The following OPCML variants were observed in gnomAD, a reference collection of about 807,000 sequenced individuals.
The protein encoded by OPCML is opioid binding protein/cell adhesion molecule like, also known as opioid-binding protein/cell adhesion molecule.
OPCML carries 13 observed loss-of-function variants against 37.8 expected under a neutral mutation model. That is an observed-to-expected ratio of 0.34 (90% confidence interval 0.22 to 0.55). The LOEUF is 0.55. Among genes scored for constraint, OPCML ranks in the 20% least tolerant of loss-of-function variants. The probability of loss-of-function intolerance (pLI) is 0.91; values close to 1 mark genes in which losing one functional copy is unlikely to be tolerated. For missense variants in OPCML, 341 were observed against 435.6 expected (o/e 0.78, Z 1.93); for synonymous variants, 176 against 168.8 (o/e 1.04, Z -0.33).
Position 132,767,280 on chromosome 11 carries a change from GGT to G in OPCML, c.147-109963_147-109962del, listed in dbSNP as rs558285185. ...CGACCTTCATTAAGGAGCCCTGGGTGGTGTGTGTGTGCACGCACACATGTGTA... is the reference window on the plus strand; with the variant it reads ...CGACCTTCATTAAGGAGCCCTGGGTGGTGTGTGTGCACGCACACATGTGTA... On this transcript the variant is annotated intron_variant, in intron 2 of 7. Coordinates refer to ENST00000524381, the MANE Select transcript of OPCML (RefSeq NM_001012393.5). Among the ~76,000 whole-genome samples, 4 of 151,966 alleles carry G rather than the reference GGT, an allele frequency of 2.6e-5. No individual in the cohort carries two copies. The South Asian group carries it at 6.2e-4, about 24-fold the overall frequency.
chr11:133,129,357 C>T (rs548424337), intron 1 of OPCML, among the ~76,000 whole-genome samples: 21 of 152,158 alleles, frequency 1.4e-4, no homozygotes, highest in African/African-American at 2.7e-4. Context: ...CTAGCCACCA[C>T]GCAGGAAAGC....
In OPCML at chr11:132,418,647, A is replaced by G. The variant is rs1387232111; in HGVS notation, c.*1546T>C. The G allele has an allele frequency of 6.6e-6, 1 of 152,626 alleles. No homozygotes were observed. The highest frequency in any genetic ancestry group is 2.4e-5 in the African/African-American group (1 of 41,468). The allele number at this position is 152,626 out of a possible 1,614,324, so 9.5% of individuals were successfully genotyped here. On this transcript the variant is annotated 3_prime_UTR_variant, in exon 8 of 8. Transcript: ENST00000524381. ...TACACCCGCCATGTAATTGGCCTCCATCAGCTTTTTACTGGATAGTTTTCA... is the reference window on the plus strand; with the variant it reads ...TACACCCGCCATGTAATTGGCCTCCGTCAGCTTTTTACTGGATAGTTTTCA...
chr11:132,719,522 A>G (rs1014544319), intron 2 of OPCML, among the ~76,000 whole-genome samples: 6 of 152,140 alleles, frequency 3.9e-5, no homozygotes, highest in African/African-American at 1.4e-4. Flanking sequence ...CTGTGCTGCA[A>G]CCACGAGCAG....
In OPCML at chr11:133,000,480, A is replaced by G. The variant is rs181894075; in HGVS notation, c.62-57470T>C. On this transcript the variant is annotated intron_variant, in intron 1 of 7. Coordinates refer to ENST00000524381, the MANE Select transcript of OPCML (RefSeq NM_001012393.5). ...GATGTACCATACAATACCCTTGACCAAGCCAAGTACTTAGTAGGCAGTATG... is the reference window on the plus strand; with the variant it reads ...GATGTACCATACAATACCCTTGACCGAGCCAAGTACTTAGTAGGCAGTATG... Among the ~76,000 whole-genome samples the G allele has an allele frequency of 3.6e-3, 541 of 152,296 alleles. 5 individuals carry two copies. Among genetic ancestry groups the G allele is most frequent in the South Asian group, 0.012 (59 of 4,824 alleles).
In OPCML at chr11:132,420,005, G is replaced by A. The variant is rs143589708; in HGVS notation, c.*188C>T. The A allele has an allele frequency of 3.2e-3, 709 of 223,736 alleles. 10 individuals carry two copies. The highest frequency in any genetic ancestry group is 0.018 in the African/African-American group (666 of 36,618). 13.9% of individuals were successfully genotyped at this position (223,736 alleles called of 1,614,324 possible). A position where few individuals can be genotyped will look rare whatever the true frequency, so the allele number is the denominator to read the frequency against. ...CACGTGGTAGAACCCTGCCCACCCC[G>A]CCCCCAACCCCACTCATTCAAGCTG... is the stretch of plus-strand genomic sequence containing the variant. On this transcript the variant is annotated 3_prime_UTR_variant, in exon 8 of 8. Transcript: ENST00000524381.
chr11:132,880,583 G>A (rs1235769886), intron 2 of OPCML, among the ~76,000 whole-genome samples: 2 of 152,214 alleles, frequency 1.3e-5, no homozygotes, highest in Non-Finnish European at 2.9e-5. Flanking sequence ...TAAGGCCATG[G>A]AATGTAAAAC....
chr11:132,861,164 T>C (rs1338725280), intron 2 of OPCML, among the ~76,000 whole-genome samples: 1 of 152,220 alleles, frequency 6.6e-6, no homozygotes, highest in South Asian at 2.1e-4. Flanking sequence ...TTTATTTAAG[T>C]TAAATGTAGC....
At chr11:133,235,907 C>T (rs1418935516) in intron 1 of OPCML, among the ~76,000 whole-genome samples, 3 of 152,196 alleles carry the variant, frequency 2.0e-5, no homozygotes, top group East Asian at 3.8e-4. Flanking sequence ...CATGAAAGCA[C>T]CTTCTGATTC....
intron 1 of OPCML, among the ~76,000 whole-genome samples, chr11:133,319,480 C>T (rs749738997): frequency 7.2e-5 from 11 of 152,152 alleles, no homozygotes; most frequent in African/African-American, 2.2e-4. Context: ...GGATTTGTTG[C>T]GCTTAGTGGC....
At chr11:133,278,512 T>C (rs1210582142) in intron 1 of OPCML, among the ~76,000 whole-genome samples, 2 of 152,236 alleles carry the variant, frequency 1.3e-5, no homozygotes, top group East Asian at 3.9e-4. Context: ...CTTCTCTCAT[T>C]ACGTTCTTAT....
At position 133,365,048 on chromosome 11, in the gene OPCML, TCACACACA is replaced by T. The variant is rs3220326; in HGVS notation, c.61+167208_61+167215del. The stretch of plus-strand genomic sequence containing the variant: ...GCCTCTCTCTCTATCTCTCTCTCTT[TCACACACA>T]CACACACACACACACACACACACAC... On this transcript the variant is annotated intron_variant, in intron 1 of 7. Coordinates refer to ENST00000524381, the MANE Select transcript of OPCML (RefSeq NM_001012393.5). Among the ~76,000 whole-genome samples the T allele has an allele frequency of 1.8e-3, 261 of 146,564 alleles. 2 individuals are homozygous for T. Among genetic ancestry groups the T allele is most frequent in the African/African-American group, 3.6e-3 (143 of 39,532 alleles).
intron 1 of OPCML, among the ~76,000 whole-genome samples, chr11:133,161,942 G>A (rs1380296188): frequency 2.1e-5 from 3 of 145,950 alleles, no homozygotes; most frequent in African/African-American, 7.5e-5. Context: ...TGCTAGATCA[G>A]GGATAACCAC....
At chr11:133,126,070 TACAC>T (rs3049587) in intron 1 of OPCML, among the ~76,000 whole-genome samples, 87,108 of 148,148 alleles carry the variant, frequency 0.59, 25,852 homozygotes, top group East Asian at 0.79. Context: ...ATATGTACCA[TACAC>T]ACACACACAC....
At chr11:132,455,361 C>T (rs544078846) in intron 4 of OPCML, among the ~76,000 whole-genome samples, 1 of 152,252 alleles carries the variant, frequency 6.6e-6, no homozygotes, top group East Asian at 1.9e-4. Flanking sequence ...TCCCTTAACT[C>T]AAAAGGTCAC....
chr11:132,953,073 G>T (rs1945896178), intron 1 of OPCML, among the ~76,000 whole-genome samples: 1 of 152,148 alleles, frequency 6.6e-6, no homozygotes, highest in African/African-American at 2.4e-5. Context: ...TAGAATCTAA[G>T]GAGTATAACA....
chr11:133,342,204 C>G (rs936306022), intron 1 of OPCML, among the ~76,000 whole-genome samples: 1 of 152,122 alleles, frequency 6.6e-6, no homozygotes, highest in Admixed American at 6.5e-5. Flanking sequence ...CTAGAGGCCT[C>G]CATCTTTCAG....
chr11:133,490,878 G>A (rs991123392), intron 1 of OPCML, among the ~76,000 whole-genome samples: 57 of 152,250 alleles, frequency 3.7e-4, no homozygotes, highest in African/African-American at 1.3e-3. Flanking sequence ...ACGTTATGCT[G>A]TTCCATAACT....
intron 7 of OPCML, among the ~76,000 whole-genome samples, chr11:132,420,685 G>A (rs936642799): frequency 1.3e-5 from 2 of 152,160 alleles, no homozygotes; most frequent in Admixed American, 1.3e-4. Context: ...GGGGCACAAG[G>A]CCAGAGAGGC....
At chr11:132,843,003 C>G (rs1298345833) in intron 2 of OPCML, among the ~76,000 whole-genome samples, 1 of 152,012 alleles carries the variant, frequency 6.6e-6, no homozygotes. Context: ...TAAACTAAGA[C>G]ATTACATTCA....
Sources: gnomAD v4.1 joint callset for allele counts (sites outside exome capture counted in the v4.1 genomes callset) on GRCh38, gnomAD v4.1.1 for gene constraint, MANE v1.5 for transcripts, NCBI Gene and HGNC (gene_info 2026-07-23, HGNC 2026-07-21) for gene names.